SYNJ1: variants seen among roughly 807,000 people sequenced by gnomAD.
SYNJ1 encodes polyphosphatidylinositol phosphatase SYNJ1.
A neutral mutation model predicts 168.2 loss-of-function variants in SYNJ1; 78 were observed. The ratio of observed to expected loss-of-function variants is 0.46; its 90% CI spans 0.39 to 0.56. SYNJ1 has a LOEUF of 0.56. Among genes scored for constraint, SYNJ1 ranks in the 20% least tolerant of loss-of-function variants. SYNJ1 has a pLI of 0.00. For missense variants in SYNJ1, 1,303 were observed against 1,597.6 expected, an observed-to-expected ratio of 0.82 and a Z score of 3.14; for synonymous variants, 539 against 548.6, an observed-to-expected ratio of 0.98 and a Z score of 0.24.
chr21:32,649,065 C>T (rs2040177743), intron 23 of SYNJ1, among the ~76,000 whole-genome samples: 2 of 152,314 alleles, frequency 1.3e-5, no homozygotes, highest in African/African-American at 4.8e-5. Context: ...GGAAAGCTTG[C>T]CCAATTTCCC....
intron 10 of SYNJ1, 137 bp from the exon 11 acceptor site, chr21:32,681,785 T>TTAC: frequency 1.5e-6 from 1 of 685,012 alleles, no homozygotes; most frequent in East Asian, 2.9e-5. Flanking sequence ...ACATAACAGT[T>TTAC]TACTAGGCTG....
In SYNJ1 at chr21:32,631,405, T is replaced by C. The variant is rs1356819195; in HGVS notation, c.*400A>G. ...GGCTGCAGAGAAGGGAAAGGACTGA[T>C]AGTAACGGGCTCTTCTTTGGAGAAC... On this transcript the variant is annotated 3_prime_UTR_variant, in exon 33 of 33. Coordinates refer to ENST00000674351, the MANE Select transcript of SYNJ1 (RefSeq NM_203446.3). 2 of 1,614,102 alleles carry C rather than the reference T, an allele frequency of 1.2e-6. No homozygotes were observed. The highest frequency in any genetic ancestry group is 2.7e-5 in the African/African-American group (2 of 74,938).
intron 2 of SYNJ1, among the ~76,000 whole-genome samples, chr21:32,707,167 T>C (rs1193001758): frequency 6.6e-6 from 1 of 152,170 alleles, no homozygotes; most frequent in Non-Finnish European, 1.5e-5. Context: ...AAAACACCAC[T>C]TCCCTTCCCA....
At chr21:32,637,801 T>C (rs2039647962) in intron 31 of SYNJ1, among the ~76,000 whole-genome samples, 1 of 152,236 alleles carries the variant, frequency 6.6e-6, no homozygotes, top group Non-Finnish European at 1.5e-5. Context: ...TTCTGTATTA[T>C]ATATCCTTCA....
At chr21:32,662,643 A>G (rs932327854) in intron 18 of SYNJ1, among the ~76,000 whole-genome samples, 2 of 152,212 alleles carry the variant, frequency 1.3e-5, no homozygotes, top group Admixed American at 1.3e-4. Context: ...TGTCATTAAG[A>G]GCAATAAGTT....
intron 12 of SYNJ1, among the ~76,000 whole-genome samples, chr21:32,677,308 C>T (rs1369234578): frequency 2.0e-5 from 3 of 152,156 alleles, no homozygotes; most frequent in Admixed American, 1.3e-4. Flanking sequence ...CATGCATAAG[C>T]TCATGCAAAA....
chr21:32,648,038 C>T (rs2833931), intron 23 of SYNJ1, among the ~76,000 whole-genome samples: 69,105 of 151,946 alleles, frequency 0.45, 15,842 homozygotes, highest in African/African-American at 0.5. Context: ...CAACAGCCTG[C>T]CCCCAAGCTG....
Position 32,708,419 on chromosome 21 carries a change from G to A in SYNJ1, c.125-6372C>T, listed in dbSNP as rs572131650. Among the ~76,000 whole-genome samples the A allele has an allele frequency of 3.9e-5, 6 of 152,256 alleles. No individual in the cohort carries two copies. The East Asian group carries it at 1.2e-3, about 29-fold the overall frequency. ...TTTTTTTTCCCCTCCTATTCATGGT[G>A]GTTATTAAACAAACGAGATGCTAGG... On this transcript the variant is annotated intron_variant, in intron 2 of 32. Transcript: ENST00000674351.
At chr21:32,696,493 C>T (rs1258144840) in intron 4 of SYNJ1, among the ~76,000 whole-genome samples, 1 of 152,132 alleles carries the variant, frequency 6.6e-6, no homozygotes, top group Non-Finnish European at 1.5e-5. Context: ...TAGACCTCCA[C>T]AGAACATATA....
chr21:32,663,858 T>G (rs2040812877), intron 18 of SYNJ1, among the ~76,000 whole-genome samples: 1 of 152,196 alleles, frequency 6.6e-6, no homozygotes, highest in South Asian at 2.1e-4. Context: ...TCTATCAAAA[T>G]AGATTGGCTC....
At chr21:32,635,018 G>T in intron 31 of SYNJ1, 134 bp from the exon 32 acceptor site, 2 of 850,294 alleles carry the variant, frequency 2.4e-6, no homozygotes, top group Non-Finnish European at 3.7e-6. Context: ...ATATTTGCAG[G>T]TTGTAACATA....
intron 31 of SYNJ1, among the ~76,000 whole-genome samples, chr21:32,636,980 C>A (rs929513540): frequency 6.6e-6 from 1 of 152,118 alleles, no homozygotes; most frequent in Non-Finnish European, 1.5e-5. Flanking sequence ...GCCACCAAAT[C>A]GCTATACTCA....
intron 31 of SYNJ1, among the ~76,000 whole-genome samples, chr21:32,637,775 A>G (rs2039646454): frequency 6.6e-6 from 1 of 152,218 alleles, no homozygotes; most frequent in African/African-American, 2.4e-5. Flanking sequence ...TAACCAGCTT[A>G]AGGGAACATT....
At chr21:32,701,681 T>G (rs1382889983) in intron 3 of SYNJ1, among the ~76,000 whole-genome samples, 2 of 152,114 alleles carry the variant, frequency 1.3e-5, no homozygotes, top group Admixed American at 1.3e-4. Flanking sequence ...AAAAGGAGAA[T>G]GTTCTGATTT....
chr21:32,679,967 GAAAATATATGTAACCTCTGTACA>G (rs1417517184), intron 11 of SYNJ1, among the ~76,000 whole-genome samples: 1 of 151,932 alleles, frequency 6.6e-6, no homozygotes, highest in Non-Finnish European at 1.5e-5. Context: ...AAAGACCACT[GAAAATATATGTAACCTCTGTACA>G]TATATTGTAG....
chr21:32,696,411 G>A (rs1337126829), intron 4 of SYNJ1, among the ~76,000 whole-genome samples: 1 of 152,110 alleles, frequency 6.6e-6, no homozygotes, highest in Non-Finnish European at 1.5e-5. Context: ...GGCTAAAGTG[G>A]GGATTGGGAC....
chr21:32,657,940 C>A (rs1601313569), intron 18 of SYNJ1, 68 bp from the exon 19 acceptor site: 2 of 1,304,966 alleles, frequency 1.5e-6, no homozygotes, highest in East Asian at 4.8e-5. Context: ...TTCAGACAGT[C>A]ATCCATTAAA....
rs1463972908 is a variant in SYNJ1 at position 32,650,241 on chromosome 21, TTGA to T, written c.2977_2979del (p.Ser993del). ...TCTTCACCAAGCAGGGTAGAGCTTG[TTGA>T]TGATGGCAATGCAATGCTAATTTTC... On this transcript the variant is annotated inframe_deletion, in exon 23 of 33. Transcript: ENST00000674351. The T allele has an allele frequency of 6.2e-6, 10 of 1,613,916 alleles. No individual in the cohort carries two copies. Among genetic ancestry groups the T allele is most frequent in the Non-Finnish European group, 8.5e-6 (10 of 1,179,996 alleles).
chr21:32,668,120 G>A (rs1183912160), intron 15 of SYNJ1, among the ~76,000 whole-genome samples: 1 of 151,402 alleles, frequency 6.6e-6, no homozygotes, highest in Non-Finnish European at 1.5e-5. Context: ...GCCGGAGTGC[G>A]GTGGTGCGAT....
Sources: gnomAD v4.1 joint callset for allele counts (sites outside exome capture counted in the v4.1 genomes callset) on GRCh38, gnomAD v4.1.1 for gene constraint, MANE v1.5 for transcripts, NCBI Gene and HGNC (gene_info 2026-07-23, HGNC 2026-07-21) for gene names.